Variants in IL21 observed in about 807,000 individuals in gnomAD.
IL21 encodes interleukin 21.
A neutral mutation model predicts 18.4 loss-of-function variants in IL21; 3 were observed. The observed-to-expected ratio is 0.16, with a 90% CI of 0.07 to 0.42. The LOEUF (loss-of-function observed/expected upper bound fraction) is 0.42. Ranked by LOEUF, IL21 falls within the 10% of genes least tolerant of loss-of-function variation. The pLI is 0.99. For missense variants in IL21, 130 were observed against 188.4 expected, an observed-to-expected ratio of 0.69 and a Z score of 1.81; for synonymous variants, 37 against 62.0, an observed-to-expected ratio of 0.60 and a Z score of 1.90.
At position 122,612,836 on chromosome 4, in the gene IL21, A is replaced by G; in HGVS notation, c.438+15T>C. On this transcript the variant is annotated intron_variant, in intron 4 of 4. Transcript: ENST00000648588. ...AAGATAAAGCAGAAAATCAAATGAA[A>G]CTTAAGGTAGATACCTTTTGGAGAA... The G allele has an allele frequency of 6.2e-7, 1 of 1,612,800 alleles. No individual in the cohort carries two copies. Among genetic ancestry groups the G allele is most frequent in the Non-Finnish European group, 8.5e-7 (1 of 1,179,276 alleles).
At position 122,610,208 on chromosome 4, in the gene IL21, A is replaced by G. The variant is rs1799247800; in HGVS notation, c.*2502T>C. Among the ~76,000 whole-genome samples the G allele has an allele frequency of 6.6e-6, 1 of 152,330 alleles. No homozygotes were observed. Among genetic ancestry groups the G allele is most frequent in the Non-Finnish European group, 1.5e-5 (1 of 68,026 alleles). ...ATAATAAATAATTATTAAGTTATAA[A>G]CTACATAGTTCATATTAGCTAAATT... On this transcript the variant is annotated 3_prime_UTR_variant, in exon 5 of 5. Transcript: ENST00000648588.
At chr4:122,612,803 GAT>G (rs1560660845) in intron 4 of IL21, 43 bp from the exon 5 acceptor site, 1 of 1,612,540 alleles carries the variant, frequency 6.2e-7, no homozygotes, top group South Asian at 1.1e-5. Flanking sequence ...AGCAAATCTG[GAT>G]AGGTAAAGAT....
At chr4:122,616,060 A>G (rs947542526) in intron 2 of IL21, among the ~76,000 whole-genome samples, 1 of 152,152 alleles carries the variant, frequency 6.6e-6, no homozygotes. Context: ...CTTCTTCACA[A>G]TGCTTTATTC....
chr4:122,619,938 AC>A (rs1377070005), intron 2 of IL21: 2 of 152,218 alleles, frequency 1.3e-5, no homozygotes, highest in African/African-American at 4.8e-5. Flanking sequence ...GACAATGAAA[AC>A]ATTTCCCCAA....
rs938353690 is a variant in IL21, at chr4:122,611,155, C to T, written c.*1555G>A. Among the ~76,000 whole-genome samples the T allele has an allele frequency of 1.8e-4, 27 of 152,266 alleles. No individual in the cohort carries two copies. The highest frequency in any genetic ancestry group is 5.8e-4 in the African/African-American group (24 of 41,560). On this transcript the variant is annotated 3_prime_UTR_variant, in exon 5 of 5. Coordinates refer to ENST00000648588, the MANE Select transcript of IL21 (RefSeq NM_021803.4). ...GCTTCCACATTTTGTCACAACAACCCGGGCTGGCGTATTTGAAACTGAGGC... is the reference window on the plus strand; with the variant it reads ...GCTTCCACATTTTGTCACAACAACCTGGGCTGGCGTATTTGAAACTGAGGC...
chr4:122,614,282 A>G (rs1016445342), intron 3 of IL21, among the ~76,000 whole-genome samples: 1 of 152,188 alleles, frequency 6.6e-6, no homozygotes, highest in African/African-American at 2.4e-5. Context: ...TTCTGAGGAA[A>G]GATTTAGAGG....
chr4:122,615,464 C>G (rs534687672), intron 3 of IL21, among the ~76,000 whole-genome samples: 3 of 150,672 alleles, frequency 2.0e-5, no homozygotes, highest in Non-Finnish European at 4.4e-5. Context: ...GGAGGTGGAT[C>G]TTGCGGTGAG....
intron 4 of IL21, 21 bp downstream of exon 4, chr4:122,612,830 A>G: frequency 1.2e-6 from 2 of 1,612,800 alleles, no homozygotes; most frequent in Non-Finnish European, 1.7e-6. Flanking sequence ...CAGAAAATCA[A>G]ATGAAACTTA....
intron 2 of IL21, among the ~76,000 whole-genome samples, chr4:122,620,322 A>G (rs1223563543): frequency 6.6e-6 from 1 of 152,186 alleles, no homozygotes; most frequent in Non-Finnish European, 1.5e-5. Context: ...TTTCTTCGGT[A>G]GGATAACAAA....
intron 2 of IL21, 141 bp downstream of exon 2, chr4:122,620,559 TA>T: frequency 2.8e-6 from 2 of 717,118 alleles, no homozygotes; most frequent in South Asian, 2.4e-5. Context: ...AACCAAAATA[TA>T]AATAAATATT....
intron 2 of IL21, among the ~76,000 whole-genome samples, chr4:122,617,800 A>G (rs770121389): frequency 6.6e-6 from 1 of 152,216 alleles, no homozygotes; most frequent in Non-Finnish European, 1.5e-5. Flanking sequence ...TATGTGGTCC[A>G]GGATAAATAA....
intron 2 of IL21, among the ~76,000 whole-genome samples, chr4:122,616,593 A>C (rs1260409478): frequency 6.6e-6 from 1 of 152,240 alleles, no homozygotes; most frequent in African/African-American, 2.4e-5. Flanking sequence ...ACGGAAAGTC[A>C]TTTCTTAGAA....
At chr4:122,612,957 T>C (rs756514408) in intron 3 of IL21, 29 bp from the exon 4 acceptor site, 23 of 1,402,256 alleles carry the variant, frequency 1.6e-5, no homozygotes, top group Non-Finnish European at 2.2e-5. Context: ...GTAACAGTCT[T>C]CTTTAAAATT....
chr4:122,613,422 A>G (rs577265258), intron 3 of IL21, among the ~76,000 whole-genome samples: 10 of 132,552 alleles, frequency 7.5e-5, no homozygotes, highest in South Asian at 4.7e-4. Context: ...CGCGATCTCC[A>G]CTGACTGCAA....
intron 3 of IL21, 48 bp downstream of exon 3, chr4:122,615,634 A>T (rs768243549): frequency 6.5e-7 from 1 of 1,543,976 alleles, no homozygotes; most frequent in Admixed American, 1.8e-5. Flanking sequence ...AATGCAAGAT[A>T]TATAGTTTAT....
intron 3 of IL21, among the ~76,000 whole-genome samples, chr4:122,613,455 A>G (rs1362951883): frequency 6.7e-6 from 1 of 149,982 alleles, no homozygotes; most frequent in African/African-American, 2.5e-5. Flanking sequence ...GGATTCAAGC[A>G]ATTATCCTGC....
intron 2 of IL21, chr4:122,618,927 G>A (rs1799382865): frequency 1.3e-5 from 2 of 151,746 alleles, no homozygotes; most frequent in African/African-American, 4.8e-5. Flanking sequence ...TTTGTTGTCA[G>A]GGCTGTCTTG....
rs115031634 is a variant in IL21 at position 122,614,182 on chromosome 4, T to C, written c.361-1254A>G. The stretch of plus-strand genomic sequence containing the variant: ...CTTTGTAGATCTCACTTTCCTCATC[T>C]ATAAGATGAACATGCTTAACTGGAG... On this transcript the variant is annotated intron_variant, in intron 3 of 4. Transcript: ENST00000648588. 1.4e-3 allele frequency among the ~76,000 whole-genome samples: 208 copies of C among 151,162 alleles called. 1 individual carries two copies. The highest frequency in any genetic ancestry group is 4.9e-3 in the African/African-American group (203 of 41,118).
intron 2 of IL21, among the ~76,000 whole-genome samples, chr4:122,617,122 T>C (rs913041745): frequency 6.6e-6 from 1 of 152,204 alleles, no homozygotes; most frequent in Non-Finnish European, 1.5e-5. Flanking sequence ...TTTGCATATA[T>C]AGCCACAAGC....
Sources: gnomAD v4.1 joint callset for allele counts (sites outside exome capture counted in the v4.1 genomes callset) on GRCh38, gnomAD v4.1.1 for gene constraint, MANE v1.5 for transcripts, NCBI Gene and HGNC (gene_info 2026-07-23, HGNC 2026-07-21) for gene names.